Variants in ERC2 observed in about 807,000 individuals in gnomAD.
The protein encoded by ERC2 is ERC protein 2.
In ERC2, 42 loss-of-function variants were observed where a neutral mutation model predicts 114.8. The observed-to-expected ratio is 0.37, with a 90% CI of 0.29 to 0.47. The LOEUF (loss-of-function observed/expected upper bound fraction) is 0.47, where lower values mean the gene tolerates loss of function less well. ERC2 is among the 20% of genes least tolerant of loss of function. ERC2 has a pLI of 0.99. For synonymous variants in ERC2, 454 were observed against 425.5 expected (o/e 1.07, Z -0.82); for missense variants, 939 against 1,150.7 (o/e 0.82, Z 2.66).
At chr3:55,856,665 T>G (rs535317501) in intron 14 of ERC2, among the ~76,000 whole-genome samples, 1 of 151,880 alleles carries the variant, frequency 6.6e-6, no homozygotes, top group South Asian at 2.1e-4. Context: ...AAAAGAAAAA[T>G]ATCTATACCC....
At chr3:56,192,153 T>G (rs1323963859) in intron 3 of ERC2, among the ~76,000 whole-genome samples, 1 of 152,110 alleles carries the variant, frequency 6.6e-6, no homozygotes, top group East Asian at 1.9e-4. Context: ...TCTCCAACAT[T>G]CTTCATGCAT....
intron 4 of ERC2, among the ~76,000 whole-genome samples, chr3:56,159,667 T>C (rs1243736898): frequency 6.6e-6 from 1 of 152,152 alleles, no homozygotes; most frequent in Non-Finnish European, 1.5e-5. Context: ...GCCTCCTTCC[T>C]CCCTAGTAGT....
chr3:55,885,390 C>G (rs1025760638), intron 14 of ERC2, among the ~76,000 whole-genome samples: 1 of 152,220 alleles, frequency 6.6e-6, no homozygotes. Flanking sequence ...TATACTTGCC[C>G]TGTACCTAAG....
At chr3:56,467,476 G>C (rs920218811) in intron 1 of ERC2, among the ~76,000 whole-genome samples, 2 of 152,146 alleles carry the variant, frequency 1.3e-5, no homozygotes, top group Non-Finnish European at 2.9e-5. Context: ...GAGAGTTTAC[G>C]AGCGCTATTT....
chr3:55,528,832 C>G (rs1365622950), intron 17 of ERC2, among the ~76,000 whole-genome samples: 1 of 152,126 alleles, frequency 6.6e-6, no homozygotes, highest in East Asian at 1.9e-4. Flanking sequence ...GCCAGTAGTA[C>G]CCTAGTTTGA....
At chr3:56,162,317 A>G (rs1333112437) in intron 4 of ERC2, among the ~76,000 whole-genome samples, 1 of 152,160 alleles carries the variant, frequency 6.6e-6, no homozygotes, top group Non-Finnish European at 1.5e-5. Flanking sequence ...ATCTACATTC[A>G]TCAGGGATAC....
intron 3 of ERC2, among the ~76,000 whole-genome samples, chr3:56,285,112 T>TC (rs141386023): frequency 0.013 from 1,216 of 93,100 alleles, 17 homozygotes; most frequent in African/African-American, 0.049. Context: ...CATCCCTACC[T>TC]CCCCCCAGCA....
intron 14 of ERC2, among the ~76,000 whole-genome samples, chr3:55,816,487 T>C (rs1329132507): frequency 6.6e-6 from 1 of 152,156 alleles, no homozygotes; most frequent in Non-Finnish European, 1.5e-5. Context: ...CATTTACTAG[T>C]AATGATGGTA....
chr3:55,927,764 C>T (rs2149395918), intron 13 of ERC2, among the ~76,000 whole-genome samples: 1 of 152,210 alleles, frequency 6.6e-6, no homozygotes, highest in African/African-American at 2.4e-5. Context: ...AGTACCCTTC[C>T]CAGCCTCTGG....
chr3:55,889,812 T>C (rs2063523492), intron 13 of ERC2, among the ~76,000 whole-genome samples: 1 of 152,188 alleles, frequency 6.6e-6, no homozygotes, highest in Non-Finnish European at 1.5e-5. Flanking sequence ...CCCTTCAAAA[T>C]GTGTCAATGA....
intron 13 of ERC2, among the ~76,000 whole-genome samples, chr3:55,924,294 C>G (rs1184729665): frequency 6.6e-6 from 1 of 151,992 alleles, no homozygotes; most frequent in African/African-American, 2.4e-5. Context: ...GTCCATATGG[C>G]CTGTGTTGCA....
At chr3:56,001,972 C>A (rs950535114) in intron 10 of ERC2, among the ~76,000 whole-genome samples, 4 of 152,048 alleles carry the variant, frequency 2.6e-5, no homozygotes, top group Non-Finnish European at 5.9e-5. Flanking sequence ...CCTGAGCCTG[C>A]TTATTAGCAC....
chr3:55,561,004 C>T (rs201101088), intron 17 of ERC2, among the ~76,000 whole-genome samples: 1 of 152,096 alleles, frequency 6.6e-6, no homozygotes, highest in East Asian at 1.9e-4. Context: ...CCCTCCACAC[C>T]TCCTCTTCAT....
At chr3:55,860,346 G>A (rs1390676114) in intron 14 of ERC2, among the ~76,000 whole-genome samples, 2 of 152,128 alleles carry the variant, frequency 1.3e-5, no homozygotes, top group African/African-American at 4.8e-5. Context: ...GCTCTACCAA[G>A]AGGCCATCTC....
intron 15 of ERC2, among the ~76,000 whole-genome samples, chr3:55,702,012 A>G (rs192097825): frequency 1.3e-5 from 2 of 152,348 alleles, no homozygotes; most frequent in African/African-American, 2.4e-5. Context: ...ACATCGTAAT[A>G]TCCTCATCCT....
intron 2 of ERC2, among the ~76,000 whole-genome samples, chr3:56,346,345 TTA>T (rs1257165025): frequency 2.0e-5 from 3 of 152,188 alleles, no homozygotes; most frequent in Non-Finnish European, 4.4e-5. Context: ...AATGTGATTA[TTA>T]AAATAATATT....
chr3:55,980,661 A>C (rs761326926), intron 12 of ERC2, among the ~76,000 whole-genome samples: 11 of 152,098 alleles, frequency 7.2e-5, no homozygotes, highest in Non-Finnish European at 1.3e-4. Flanking sequence ...ATCTTGAGAG[A>C]TTTACTATTT....
intron 13 of ERC2, among the ~76,000 whole-genome samples, chr3:55,902,932 T>C (rs1374234541): frequency 6.6e-6 from 1 of 152,192 alleles, no homozygotes; most frequent in Non-Finnish European, 1.5e-5. Flanking sequence ...AAAGTACACA[T>C]CCTGATGTGC....
At chr3:55,698,752 C>T (rs575801838) in intron 16 of ERC2, among the ~76,000 whole-genome samples, 2 of 152,276 alleles carry the variant, frequency 1.3e-5, no homozygotes, top group African/African-American at 4.8e-5. Flanking sequence ...AGTTTTAATA[C>T]TAAACATTGT....
Sources: gnomAD v4.1 joint callset for allele counts (sites outside exome capture counted in the v4.1 genomes callset) on GRCh38, gnomAD v4.1.1 for gene constraint, MANE v1.5 for transcripts, NCBI Gene and HGNC (gene_info 2026-07-23, HGNC 2026-07-21) for gene names.